The following MYO1D variants were observed in gnomAD, a reference collection of about 807,000 sequenced individuals.
The protein encoded by MYO1D is myosin ID, also known as unconventional myosin-Id.
In MYO1D, 83 loss-of-function variants were observed where a neutral mutation model predicts 122.0. That is an observed-to-expected ratio of 0.68 (90% CI 0.57 to 0.82). The LOEUF (loss-of-function observed/expected upper bound fraction) is 0.82. Among genes scored for constraint, MYO1D ranks in the 40% least tolerant of loss-of-function variants. MYO1D has a pLI of 0.00. For synonymous variants in MYO1D, 464 were observed against 446.9 expected (o/e 1.04, Z -0.48); for missense variants, 1,157 against 1,269.5 (o/e 0.91, Z 1.35).
intron 20 of MYO1D, among the ~76,000 whole-genome samples, chr17:32,628,235 C>G (rs1327630159): frequency 6.6e-6 from 1 of 152,134 alleles, no homozygotes; most frequent in Non-Finnish European, 1.5e-5. Context: ...TACAAATATA[C>G]CTGGTGACTC....
At chr17:32,666,645 C>A (rs184534424) in intron 16 of MYO1D, among the ~76,000 whole-genome samples, 1 of 152,174 alleles carries the variant, frequency 6.6e-6, no homozygotes, top group African/African-American at 2.4e-5. Flanking sequence ...ATGTATCTTC[C>A]GTTTCGTCTC....
At chr17:32,867,901 G>A (rs2091142849) in intron 1 of MYO1D, among the ~76,000 whole-genome samples, 1 of 148,196 alleles carries the variant, frequency 6.7e-6, no homozygotes, top group Non-Finnish European at 1.5e-5. Context: ...TGAGGAAATT[G>A]GTTATAGATT....
At chr17:32,828,332 C>T (rs1299085134) in intron 1 of MYO1D, among the ~76,000 whole-genome samples, 2 of 151,756 alleles carry the variant, frequency 1.3e-5, no homozygotes, top group African/African-American at 4.8e-5. Context: ...CTGGCTAACA[C>T]GGTGAAACCC....
chr17:32,824,749 C>G (rs187190834), intron 1 of MYO1D, among the ~76,000 whole-genome samples: 1 of 152,326 alleles, frequency 6.6e-6, no homozygotes, highest in East Asian at 1.9e-4. Flanking sequence ...AAACCATATA[C>G]AGAACATTAT....
chr17:32,787,055 G>A (rs1246726382), intron 1 of MYO1D, among the ~76,000 whole-genome samples: 1 of 151,592 alleles, frequency 6.6e-6, no homozygotes, highest in African/African-American at 2.4e-5. Flanking sequence ...TATCAAAGAA[G>A]GCATCATTTA....
At chr17:32,555,119 A>C (rs2087057036) in intron 21 of MYO1D, among the ~76,000 whole-genome samples, 1 of 152,164 alleles carries the variant, frequency 6.6e-6, no homozygotes, top group African/African-American at 2.4e-5. Context: ...TGTAAGGCTG[A>C]AAATTAGAAA....
At chr17:32,575,179 C>T (rs1421084988) in intron 21 of MYO1D, among the ~76,000 whole-genome samples, 2 of 152,234 alleles carry the variant, frequency 1.3e-5, no homozygotes, top group Non-Finnish European at 2.9e-5. Context: ...TGATAAAAAA[C>T]ATTCTAGAGT....
chr17:32,546,847 G>T (rs1474195873), intron 21 of MYO1D, among the ~76,000 whole-genome samples: 1 of 152,020 alleles, frequency 6.6e-6, no homozygotes, highest in African/African-American at 2.4e-5. Context: ...ATTTTGTTTG[G>T]GTTATCTAGG....
At chr17:32,705,471 G>T (rs2089295069) in intron 16 of MYO1D, among the ~76,000 whole-genome samples, 1 of 152,056 alleles carries the variant, frequency 6.6e-6, no homozygotes, top group Admixed American at 6.6e-5. Flanking sequence ...CACCATGTTA[G>T]CCAGGATGGT....
At chr17:32,871,861 G>T (rs527897420) in intron 1 of MYO1D, among the ~76,000 whole-genome samples, 26 of 152,216 alleles carry the variant, frequency 1.7e-4, no homozygotes, top group Non-Finnish European at 3.4e-4. Context: ...AATGCTGGAA[G>T]AACTCACGTA....
intron 10 of MYO1D, among the ~76,000 whole-genome samples, chr17:32,758,890 A>G (rs1359446410): frequency 6.6e-6 from 1 of 152,002 alleles, no homozygotes; most frequent in Non-Finnish European, 1.5e-5. Context: ...GCATTTTGGG[A>G]TTCTTAATTC....
intron 4 of MYO1D, 54 bp from the exon 5 acceptor site, chr17:32,772,896 A>C: frequency 7.8e-6 from 11 of 1,416,266 alleles, no homozygotes; most frequent in African/African-American, 1.4e-5. Flanking sequence ...CTAAAATAAA[A>C]CAGGAGCCAC....
intron 1 of MYO1D, among the ~76,000 whole-genome samples, chr17:32,832,592 C>G (rs1166917546): frequency 6.6e-6 from 1 of 152,050 alleles, no homozygotes; most frequent in Admixed American, 6.5e-5. Flanking sequence ...GCCACTGGGC[C>G]CGGCTCCTAA....
At chr17:32,629,079 C>T (rs141957800) in intron 20 of MYO1D, among the ~76,000 whole-genome samples, 5 of 152,248 alleles carry the variant, frequency 3.3e-5, no homozygotes, top group African/African-American at 1.2e-4. Flanking sequence ...GAAGACATGA[C>T]GGAACCTTAA....
intron 14 of MYO1D, among the ~76,000 whole-genome samples, chr17:32,735,731 T>C (rs943468419): frequency 1.3e-5 from 2 of 152,114 alleles, no homozygotes; most frequent in African/African-American, 4.8e-5. Context: ...ACAAGAAGTA[T>C]GGGTATGTTG....
At chr17:32,873,033 T>C (rs1437011313) in intron 1 of MYO1D, among the ~76,000 whole-genome samples, 5 of 152,150 alleles carry the variant, frequency 3.3e-5, no homozygotes, top group African/African-American at 1.2e-4. Flanking sequence ...TAGGAGAAAG[T>C]TGCATCAATT....
chr17:32,647,689 T>A (rs1196607698), intron 19 of MYO1D, among the ~76,000 whole-genome samples: 1 of 11,798 alleles, frequency 8.5e-5, no homozygotes, highest in African/African-American at 6.3e-4. Context: ...GCTTATACAT[T>A]TTTTTTTTTT....
chr17:32,677,893 T>A (rs1016742697), intron 16 of MYO1D, among the ~76,000 whole-genome samples: 2 of 152,152 alleles, frequency 1.3e-5, no homozygotes, highest in African/African-American at 2.4e-5. Context: ...TTTTAATTCA[T>A]CTCAACTGGC....
intron 21 of MYO1D, among the ~76,000 whole-genome samples, chr17:32,503,923 T>C (rs1259399676): frequency 1.3e-5 from 2 of 152,218 alleles, no homozygotes; most frequent in South Asian, 2.1e-4. Context: ...CTTCTGTTTA[T>C]GTCAGGGTCG....
Sources: gnomAD v4.1 joint callset for allele counts (sites outside exome capture counted in the v4.1 genomes callset) on GRCh38, gnomAD v4.1.1 for gene constraint, MANE v1.5 for transcripts, NCBI Gene and HGNC (gene_info 2026-07-23, HGNC 2026-07-21) for gene names.